LGR4: variants seen among roughly 807,000 people sequenced by gnomAD.
LGR4 encodes leucine rich repeat containing G protein-coupled receptor 4, also known as leucine-rich repeat-containing G protein-coupled receptor 4.
Under a neutral mutation model 84.8 loss-of-function variants are expected in LGR4, and 44 were observed. The ratio of observed to expected loss-of-function variants is 0.52; its 90% CI spans 0.41 to 0.67. LGR4 has a LOEUF of 0.67. LGR4 is among the 30% of genes least tolerant of loss of function. The pLI is 0.00. For missense variants in LGR4, 1,032 were observed against 1,131.4 expected, an observed-to-expected ratio of 0.91 and a Z score of 1.26; for synonymous variants, 429 against 434.3, an observed-to-expected ratio of 0.99 and a Z score of 0.15.
chr11:27,470,134 C>G (rs996195328), intron 1 of LGR4, among the ~76,000 whole-genome samples: 5 of 152,148 alleles, frequency 3.3e-5, no homozygotes, highest in Non-Finnish European at 5.9e-5. Flanking sequence ...ACCACCAAAG[C>G]TCAGAAAGTG....
intron 2 of LGR4, among the ~76,000 whole-genome samples, chr11:27,404,725 T>C (rs529267397): frequency 3.9e-5 from 6 of 152,202 alleles, no homozygotes; most frequent in East Asian, 1.9e-4. Flanking sequence ...CCTAGGAGTT[T>C]TGCAGTGAGG....
chr11:27,418,511 G>A (rs1392442103), intron 1 of LGR4, among the ~76,000 whole-genome samples: 1 of 152,110 alleles, frequency 6.6e-6, no homozygotes, highest in Admixed American at 6.5e-5. Context: ...TTTTTTTCAG[G>A]TACCAAGGCT....
In LGR4 at chr11:27,432,130, AAGGAATAAAAAGGCATTCCACATACC is replaced by A. The variant is rs1444538439; in HGVS notation, c.186-19296_186-19271del. Among the ~76,000 whole-genome samples, 138 of 152,304 alleles carry A rather than the reference AAGGAATAAAAAGGCATTCCACATACC, an allele frequency of 9.1e-4. No homozygotes were observed. In the Middle Eastern group the frequency reaches 0.017, roughly 19 times the overall value. On this transcript the variant is annotated intron_variant, in intron 1 of 17. Coordinates refer to ENST00000379214, the MANE Select transcript of LGR4 (RefSeq NM_018490.5). Reference sequence around the variant, plus strand: ...AGAGCATTGCCACTCACTCCTAGGCAAGGAATAAAAAGGCATTCCACATACCAGGAGCACTAACCCTACTTAAGATG... The same window carrying A: ...AGAGCATTGCCACTCACTCCTAGGCAAGGAGCACTAACCCTACTTAAGATG...
intron 2 of LGR4, among the ~76,000 whole-genome samples, chr11:27,410,426 C>T (rs1863687842): frequency 6.6e-6 from 1 of 152,082 alleles, no homozygotes; most frequent in South Asian, 2.1e-4. Flanking sequence ...ACCTCATTAA[C>T]TAACATGGAA....
At chr11:27,449,697 A>G (rs1035498560) in intron 1 of LGR4, among the ~76,000 whole-genome samples, 15 of 152,202 alleles carry the variant, frequency 9.9e-5, no homozygotes, top group African/African-American at 3.6e-4. Context: ...AAATGTTGAC[A>G]ATTATATCAT....
intron 2 of LGR4, among the ~76,000 whole-genome samples, chr11:27,394,387 T>C (rs1461570828): frequency 6.6e-6 from 1 of 152,130 alleles, no homozygotes; most frequent in Non-Finnish European, 1.5e-5. Context: ...ACTACATTTT[T>C]TACTTACTTA....
Position 27,376,315 on chromosome 11 carries a change from T to C in LGR4, c.1165A>G (p.Ile389Val), listed in dbSNP as rs1862979048. 2 of 1,580,048 alleles carry C rather than the reference T, an allele frequency of 1.3e-6. No homozygotes were observed. The highest frequency in any genetic ancestry group is 2.7e-5 in the African/African-American group (2 of 73,524). The change falls in exon 13 of 18, where the codon ATA (isoleucine) becomes GTA (valine). Residue 389 changes from isoleucine (I) to valine (V), a missense_variant. Transcript: ENST00000379214. Reference sequence around the variant, plus strand: ...CAAACTTACAGAATCCTTAGAGATATCAGGCCTTGAAAGGTGCCTTCCTTT... The same window carrying C: ...CAAACTTACAGAATCCTTAGAGATACCAGGCCTTGAAAGGTGCCTTCCTTT... Reference protein sequence around the residue: ...QIKEGTFQGLISLRILDLSRN... With the variant: ...QIKEGTFQGLVSLRILDLSRN...
intron 1 of LGR4, among the ~76,000 whole-genome samples, chr11:27,421,661 G>A (rs1343209009): frequency 3.3e-5 from 5 of 152,056 alleles, no homozygotes; most frequent in Admixed American, 1.3e-4. Flanking sequence ...ACTATTAGAT[G>A]GTGCCCACCT....
rs772158015 is a variant in LGR4 at position 27,385,400 on chromosome 11, T to C, written c.470A>G (p.His157Arg). The C allele has an allele frequency of 1.2e-6, 2 of 1,612,618 alleles. No homozygotes were observed. Among genetic ancestry groups the C allele is most frequent in the South Asian group, 2.2e-5 (2 of 90,452 alleles). ...DSFEGLVQLR[H>R]LWLDDNSLTE... ...CAAGCTGTTGTCATCCAGCCACAGA[T>C]GCCGTAACTGAACAAGTCCTTCAAA... is the stretch of plus-strand genomic sequence containing the variant. Residue 157 changes from histidine (H) to arginine (R), a missense_variant, in exon 5 of 18, where the codon CAT becomes CGT. His to Arg is a conservative substitution (Grantham distance 29). Transcript: ENST00000379214.
intron 1 of LGR4, among the ~76,000 whole-genome samples, chr11:27,451,816 G>A (rs1864484713): frequency 6.6e-6 from 1 of 152,198 alleles, no homozygotes; most frequent in Non-Finnish European, 1.5e-5. Flanking sequence ...TACTAAGACT[G>A]TACCAAGCAC....
At chr11:27,380,418 T>G in intron 9 of LGR4, 79 bp from the exon 10 acceptor site, 1 of 1,017,552 alleles carries the variant, frequency 9.8e-7, no homozygotes, top group Non-Finnish European at 1.5e-6. Context: ...AAAATTACAG[T>G]GCAACTATAA....
chr11:27,449,702 T>C (rs1349757098), intron 1 of LGR4, among the ~76,000 whole-genome samples: 1 of 152,190 alleles, frequency 6.6e-6, no homozygotes, highest in Non-Finnish European at 1.5e-5. Flanking sequence ...TTGACAATTA[T>C]ATCATTTCTG....
At chr11:27,431,958 A>G (rs1436709387) in intron 1 of LGR4, among the ~76,000 whole-genome samples, 22 of 152,212 alleles carry the variant, frequency 1.4e-4, no homozygotes, top group African/African-American at 2.4e-5. Context: ...GTAATTCATC[A>G]TGTAAAGTGT....
chr11:27,371,621 A>G lies in LGR4; in HGVS notation c.1573T>C (p.Ser525Pro). Reference protein sequence around the residue: ...HSQIIIHCTPSTGAFKPCEYL... With the variant: ...HSQIIIHCTPPTGAFKPCEYL... ...AAAAATAGGCCAGGCATACCTGTTG[A>G]AGGTGTACAATGGATAATTATTTGA... is the stretch of plus-strand genomic sequence containing the variant. The change falls in exon 17 of 18, where the codon TCA becomes CCA. Residue 525 changes from serine (S) to proline (P), a missense_variant. Ser to Pro is a moderately conservative substitution (Grantham distance 74). Coordinates refer to ENST00000379214, the MANE Select transcript of LGR4 (RefSeq NM_018490.5). The G allele has an allele frequency of 1.9e-6, 3 of 1,609,782 alleles. No homozygotes were observed. Among genetic ancestry groups the G allele is most frequent in the Non-Finnish European group, 2.5e-6 (3 of 1,177,050 alleles).
chr11:27,428,447 G>A (rs879412692), intron 1 of LGR4, among the ~76,000 whole-genome samples: 4 of 152,024 alleles, frequency 2.6e-5, no homozygotes, highest in Non-Finnish European at 5.9e-5. Context: ...CCTATCTTGC[G>A]CTCTTTTTGG....
intron 13 of LGR4, 119 bp downstream of exon 13, chr11:27,376,180 T>C (rs369704555): frequency 3.8e-5 from 25 of 657,114 alleles, no homozygotes; most frequent in East Asian, 2.4e-4. Flanking sequence ...TTCACCACGT[T>C]GTTCAGGCTG....
intron 1 of LGR4, among the ~76,000 whole-genome samples, chr11:27,413,666 G>C (rs1386008679): frequency 2.6e-5 from 4 of 152,138 alleles, no homozygotes; most frequent in South Asian, 2.1e-4. Context: ...GCCTCCTTCT[G>C]TTCCATGGTG....
chr11:27,429,871 G>A (rs1312111364), intron 1 of LGR4, among the ~76,000 whole-genome samples: 1 of 152,112 alleles, frequency 6.6e-6, no homozygotes, highest in East Asian at 1.9e-4. Flanking sequence ...TGCCTGGGCT[G>A]GGATCCTGAG....
intron 1 of LGR4, among the ~76,000 whole-genome samples, chr11:27,468,512 C>T (rs557429157): frequency 2.0e-5 from 3 of 152,250 alleles, no homozygotes; most frequent in African/African-American, 7.2e-5. Context: ...GTGGTGTGAG[C>T]TCAACTAAAA....
Sources: gnomAD v4.1 joint callset for allele counts (sites outside exome capture counted in the v4.1 genomes callset) on GRCh38, gnomAD v4.1.1 for gene constraint, MANE v1.5 for transcripts, NCBI Gene and HGNC (gene_info 2026-07-23, HGNC 2026-07-21) for gene names.